PRIMPOL: variants seen among roughly 807,000 people sequenced by gnomAD.
PRIMPOL encodes the protein DNA-directed primase/polymerase protein.
In PRIMPOL, 54 loss-of-function variants were observed where a neutral mutation model predicts 63.6. That is an observed-to-expected ratio of 0.85 (90% CI 0.68 to 1.07). The LOEUF (loss-of-function observed/expected upper bound fraction) is 1.07, where lower values mean the gene tolerates loss of function less well. Among genes scored for constraint, PRIMPOL ranks in the 50% least tolerant of loss-of-function variants. PRIMPOL has a pLI of 0.00. For synonymous variants in PRIMPOL, 197 were observed against 220.2 expected, an observed-to-expected ratio of 0.89 and a Z score of 0.93; for missense variants, 610 against 648.3, an observed-to-expected ratio of 0.94 and a Z score of 0.64.
At chr4:184,650,566 C>T (rs1172070450) in intron 1 of PRIMPOL, among the ~76,000 whole-genome samples, 1 of 152,160 alleles carries the variant, frequency 6.6e-6, no homozygotes, top group Non-Finnish European at 1.5e-5. Context: ...GGGGTCTTCT[C>T]CTAAGATGGA....
intron 13 of PRIMPOL, among the ~76,000 whole-genome samples, chr4:184,692,659 GT>G (rs1237652400): frequency 6.6e-5 from 10 of 151,262 alleles, no homozygotes; most frequent in Non-Finnish European, 1.0e-4. Context: ...TACTATTTCA[GT>G]TTTTTTTCTA....
In PRIMPOL at chr4:184,651,133, C is replaced by CA. The variant is rs953348595; in HGVS notation, c.-137-882dup. On this transcript the variant is annotated intron_variant, in intron 1 of 13. Coordinates refer to ENST00000314970, the MANE Select transcript of PRIMPOL (RefSeq NM_152683.4). Reference sequence around the variant, plus strand: ...TGAAACCCTGTCTTTACTAAAAATACAAAAAAAATTAGCCGGGTGCAGTGG... The same window carrying CA: ...TGAAACCCTGTCTTTACTAAAAATACAAAAAAAAATTAGCCGGGTGCAGTGG... Among the ~76,000 whole-genome samples, 24 of 151,486 alleles carry CA rather than the reference C, an allele frequency of 1.6e-4. 1 individual carries two copies. The highest frequency in any genetic ancestry group is 3.3e-4 in the Admixed American group (5 of 15,214).
intron 6 of PRIMPOL, among the ~76,000 whole-genome samples, chr4:184,668,773 T>C (rs1750770655): frequency 6.6e-6 from 1 of 152,164 alleles, no homozygotes; most frequent in African/African-American, 2.4e-5. Context: ...GTTTTCTTTG[T>C]CATCTCCTCT....
chr4:184,691,635 A>T, intron 12 of PRIMPOL, 31 bp from the exon 13 acceptor site: 1 of 1,605,000 alleles, frequency 6.2e-7, no homozygotes. Flanking sequence ...TAACTGTAAT[A>T]TGTAATAGTT....
intron 7 of PRIMPOL, among the ~76,000 whole-genome samples, chr4:184,674,890 A>G (rs1208529145): frequency 6.6e-6 from 1 of 152,198 alleles, no homozygotes; most frequent in African/African-American, 2.4e-5. Flanking sequence ...GTCTATGTAC[A>G]TGTCAAGCAA....
intron 11 of PRIMPOL, among the ~76,000 whole-genome samples, chr4:184,689,271 A>G (rs994660784): frequency 3.9e-5 from 6 of 151,986 alleles, no homozygotes; most frequent in African/African-American, 1.4e-4. Context: ...TCTCTTGCCC[A>G]GGTTGGCCTT....
intron 4 of PRIMPOL, among the ~76,000 whole-genome samples, chr4:184,660,903 A>G (rs1748140081): frequency 1.3e-5 from 2 of 152,240 alleles, no homozygotes; most frequent in Admixed American, 1.3e-4. Flanking sequence ...AAATTAAGTC[A>G]GCATCTCTCC....
intron 11 of PRIMPOL, among the ~76,000 whole-genome samples, chr4:184,686,859 T>C (rs1417786899): frequency 1.3e-5 from 2 of 152,164 alleles, no homozygotes; most frequent in African/African-American, 4.8e-5. Context: ...TACACAAAGC[T>C]ATAACGTAGA....
intron 3 of PRIMPOL, 21 bp from the exon 4 acceptor site, chr4:184,659,319 T>C (rs1193563430): frequency 3.1e-6 from 5 of 1,589,970 alleles, no homozygotes; most frequent in Non-Finnish European, 3.5e-6. Context: ...TTTTTCTGAA[T>C]TCTTTTTTGA....
intron 5 of PRIMPOL, among the ~76,000 whole-genome samples, chr4:184,663,297 C>T (rs1227007494): frequency 6.6e-6 from 1 of 151,954 alleles, no homozygotes; most frequent in Non-Finnish European, 1.5e-5. Context: ...CACCCATCTC[C>T]GCCTCCCAAA....
chr4:184,651,837 T>TG (rs1744605242), intron 1 of PRIMPOL, among the ~76,000 whole-genome samples, 186 bp from the exon 2 acceptor site: 1 of 152,128 alleles, frequency 6.6e-6, no homozygotes, highest in Non-Finnish European at 1.5e-5. Flanking sequence ...TTAGTAGAGA[T>TG]GGGGTTTCAC....
At chr4:184,679,425 C>T (rs1755004644) in intron 8 of PRIMPOL, among the ~76,000 whole-genome samples, 1 of 152,124 alleles carries the variant, frequency 6.6e-6, no homozygotes, top group Non-Finnish European at 1.5e-5. Context: ...CACTGCACTC[C>T]AGCCTGGGTG....
In PRIMPOL at chr4:184,656,531, C is replaced by G. The variant is rs147421788; in HGVS notation, c.-59-551C>G. 4.0e-3 allele frequency among the ~76,000 whole-genome samples: 614 copies of G among 152,158 alleles called. 7 individuals are homozygous for G. The highest frequency in any genetic ancestry group is 0.014 in the African/African-American group (588 of 41,510). ...AAAAATCATCCATTACTACAGACAT[C>G]CAAAACTAGCCCAACTAAAAGTTGT... On this transcript the variant is annotated intron_variant, in intron 2 of 13. Coordinates refer to ENST00000314970, the MANE Select transcript of PRIMPOL (RefSeq NM_152683.4).
In PRIMPOL at chr4:184,653,525, G is replaced by A. The variant is rs73873010; in HGVS notation, c.-60+1425G>A. On this transcript the variant is annotated intron_variant, in intron 2 of 13. Coordinates refer to ENST00000314970, the MANE Select transcript of PRIMPOL (RefSeq NM_152683.4). The stretch of plus-strand genomic sequence containing the variant: ...CTCTTTGAGCCCAATCTTTTATTTT[G>A]TTTTTTAGTAGAGATGGGGTTTCAC... Among the ~76,000 whole-genome samples, 1,239 of 152,220 alleles carry A rather than the reference G, an allele frequency of 8.1e-3. 19 individuals carry two copies. The highest frequency in any genetic ancestry group is 0.028 in the African/African-American group (1,177 of 41,520).
chr4:184,657,335 C>T lies in PRIMPOL; in HGVS notation c.180+15C>T, dbSNP rs1448430135. On this transcript the variant is annotated intron_variant, in intron 3 of 13. Coordinates refer to ENST00000314970, the MANE Select transcript of PRIMPOL (RefSeq NM_152683.4). Reference sequence around the variant, plus strand: ...GCTGTAAAGAAGTAATTTCCTCCTCCTCCTCTTCTTCTTCCTCCTCTTCCA... The same window carrying T: ...GCTGTAAAGAAGTAATTTCCTCCTCTTCCTCTTCTTCTTCCTCCTCTTCCA... 5.7e-6 allele frequency: 9 copies of T among 1,576,414 alleles called. No homozygotes were observed. In the South Asian group the frequency reaches 5.8e-5, roughly 10 times the overall value.
intron 3 of PRIMPOL, among the ~76,000 whole-genome samples, chr4:184,658,107 G>A (rs1446459009): frequency 6.6e-6 from 1 of 151,040 alleles, no homozygotes; most frequent in Non-Finnish European, 1.5e-5. Context: ...GGAATGTAAA[G>A]AAATATGAAA....
chr4:184,680,732 C>T (rs928233376), intron 8 of PRIMPOL, among the ~76,000 whole-genome samples: 1 of 152,060 alleles, frequency 6.6e-6, no homozygotes, highest in African/African-American at 2.4e-5. Flanking sequence ...ACCTATCTTA[C>T]GGAGTTGTCG....
chr4:184,692,732 T>G (rs1365723144), intron 13 of PRIMPOL, among the ~76,000 whole-genome samples: 4 of 152,106 alleles, frequency 2.6e-5, no homozygotes, highest in African/African-American at 9.7e-5. Context: ...GTATAGGATA[T>G]TAGACCTCCA....
At chr4:184,678,493 TC>T in intron 8 of PRIMPOL, 99 bp downstream of exon 8, 1 of 904,160 alleles carries the variant, frequency 1.1e-6, no homozygotes, top group South Asian at 1.7e-5. Context: ...CTAAATTCAT[TC>T]TACCTTAAGA....
Sources: allele counts gnomAD v4.1 joint callset (sites outside exome capture counted in the v4.1 genomes callset), GRCh38; gene constraint gnomAD v4.1.1; transcripts MANE v1.5; gene names NCBI Gene and HGNC (gene_info 2026-07-23, HGNC 2026-07-21).